The following FGF20 variants were observed in gnomAD, a reference collection of about 807,000 sequenced individuals.
FGF20 encodes the protein fibroblast growth factor 20.
In FGF20, 8 loss-of-function variants were observed where a neutral mutation model predicts 16.7. The observed-to-expected ratio is 0.48, with a 90% CI of 0.28 to 0.87. The LOEUF is 0.87. FGF20 is among the 40% of genes least tolerant of loss of function. The probability of loss-of-function intolerance (pLI) is 0.10; values close to 1 mark genes in which losing one functional copy is unlikely to be tolerated. For synonymous variants in FGF20, 161 were observed against 118.6 expected (o/e 1.36, Z -2.32); for missense variants, 397 against 281.4 (o/e 1.41, Z -2.94).
chr8:16,994,462 A>C (rs1483182037), intron 2 of FGF20, among the ~76,000 whole-genome samples: 2 of 86,324 alleles, frequency 2.3e-5, no homozygotes, highest in Non-Finnish European at 4.8e-5. Context: ...ATACACATGA[A>C]GATTGTGTGC....
intron 2 of FGF20, among the ~76,000 whole-genome samples, chr8:16,995,419 A>C (rs1180944539): frequency 6.6e-6 from 1 of 152,216 alleles, no homozygotes; most frequent in Non-Finnish European, 1.5e-5. Context: ...ACTCAAGGTA[A>C]TGTATAGGAA....
At chr8:16,999,864 C>T (rs565596188) in intron 1 of FGF20, among the ~76,000 whole-genome samples, 4 of 151,912 alleles carry the variant, frequency 2.6e-5, no homozygotes, top group African/African-American at 9.6e-5. Flanking sequence ...GTAGAATTTC[C>T]AAGGCTACAC....
chr8:17,002,127 C>T lies in FGF20; in HGVS notation c.-95G>A, dbSNP rs1408089333. Reference sequence around the variant, plus strand: ...TAGAGAAAAATTATAGCAAAACGAGCGCAAAAAGTTAAGGCCCGGTTACTC... The same window carrying T: ...TAGAGAAAAATTATAGCAAAACGAGTGCAAAAAGTTAAGGCCCGGTTACTC... On this transcript the variant is annotated 5_prime_UTR_variant, in exon 1 of 3. Transcript: ENST00000180166. 1.6e-5 allele frequency: 22 copies of T among 1,342,124 alleles called. No individual in the cohort carries two copies. The highest frequency in any genetic ancestry group is 1.9e-5 in the Non-Finnish European group (20 of 1,029,744). The allele number at this position is 1,342,124 out of a possible 1,614,324, so 83.1% of individuals were successfully genotyped here.
intron 2 of FGF20, among the ~76,000 whole-genome samples, 191 bp downstream of exon 2, chr8:16,995,464 T>A (rs993841716): frequency 6.6e-6 from 1 of 151,910 alleles, no homozygotes; most frequent in African/African-American, 2.4e-5. Flanking sequence ...TGGTTGGGGG[T>A]TTTAAAAATA....
Position 16,992,661 on chromosome 8 carries a change from GA to G in FGF20, c.*410del, listed in dbSNP as rs1176168884. ...ACCTGTGAATTCTACAAGGTCCTCA[GA>G]ATTTATGTAGCAATGCTCTTGGCTA... is the stretch of plus-strand genomic sequence containing the variant. On this transcript the variant is annotated 3_prime_UTR_variant, in exon 3 of 3. Coordinates refer to ENST00000180166, the MANE Select transcript of FGF20 (RefSeq NM_019851.3). The G allele has an allele frequency of 4.5e-5, 7 of 154,300 alleles. No homozygotes were observed. The highest frequency in any genetic ancestry group is 1.7e-4 in the African/African-American group (7 of 41,296). The allele number at this position is 154,300 out of a possible 1,614,324, so 9.6% of individuals were successfully genotyped here. A position where few individuals can be genotyped will look rare whatever the true frequency, so the allele number is the denominator to read the frequency against.
intron 1 of FGF20, among the ~76,000 whole-genome samples, chr8:16,999,024 G>C (rs955841857): frequency 1.9e-4 from 29 of 152,174 alleles, no homozygotes; most frequent in African/African-American, 6.7e-4. Flanking sequence ...AGCAAAAGAA[G>C]CCAAACATAC....
chr8:16,999,505 A>G lies in FGF20; in HGVS notation c.286+2242T>C, dbSNP rs1349130705. Among the ~76,000 whole-genome samples the G allele has an allele frequency of 4.1e-5, 6 of 147,238 alleles. No individual in the cohort carries two copies. The Admixed American group carries it at 4.2e-4, about 10-fold the overall frequency. On this transcript the variant is annotated intron_variant, in intron 1 of 2. Coordinates refer to ENST00000180166, the MANE Select transcript of FGF20 (RefSeq NM_019851.3). ...TCTGTCACTGGAGAGATTACAGTTT[A>G]ATTACAAGTTTCCTTTTTTTTTTTT...
At chr8:16,998,113 T>C (rs1810098746) in intron 1 of FGF20, among the ~76,000 whole-genome samples, 1 of 152,192 alleles carries the variant, frequency 6.6e-6, no homozygotes, top group Non-Finnish European at 1.5e-5. Flanking sequence ...CATAAAGTGT[T>C]TATTTTTCTT....
At chr8:16,993,531 C>G (rs1289515154) in intron 2 of FGF20, among the ~76,000 whole-genome samples, 1 of 148,760 alleles carries the variant, frequency 6.7e-6, no homozygotes, top group African/African-American at 2.5e-5. Context: ...GCAGTCCCCA[C>G]CTCTTTGGCA....
rs542236215 is a variant in FGF20 at position 17,001,359 on chromosome 8, A to AT, written c.286+387dup. On this transcript the variant is annotated intron_variant, in intron 1 of 2. Coordinates refer to ENST00000180166, the MANE Select transcript of FGF20 (RefSeq NM_019851.3). ...GGAAATCGGAGAGAAACATACAGGG[A>AT]TTTTTTTTAAAACTGACTGCGAGGT... 3.2e-3 allele frequency among the ~76,000 whole-genome samples: 489 copies of AT among 151,914 alleles called. 3 individuals are homozygous for AT. The highest frequency in any genetic ancestry group is 0.014 in the South Asian group (68 of 4,804).
chr8:17,000,530 G>T (rs1810158259), intron 1 of FGF20, among the ~76,000 whole-genome samples: 1 of 152,170 alleles, frequency 6.6e-6, no homozygotes, highest in South Asian at 2.1e-4. Context: ...GCTACGGATT[G>T]TGGGTGACAA....
intron 1 of FGF20, among the ~76,000 whole-genome samples, chr8:16,997,769 T>A (rs1810089299): frequency 6.6e-6 from 1 of 151,976 alleles, no homozygotes; most frequent in Non-Finnish European, 1.5e-5. Context: ...AAAATCAAAC[T>A]CACTGCCAAG....
At position 16,995,570 on chromosome 8, in the gene FGF20, A is replaced by T. The variant is rs982037413; in HGVS notation, c.390+85T>A. The T allele has an allele frequency of 1.2e-5, 7 of 563,258 alleles. No individual in the cohort carries two copies. The African/African-American group carries it at 1.3e-4, about 11-fold the overall frequency. 34.9% of individuals were successfully genotyped at this position (563,258 alleles called of 1,614,324 possible). ...TATGTTTTATATACTTCTACCAGAC[A>T]TTCTTGGTAGACATTTTAATTACAT... is the stretch of plus-strand genomic sequence containing the variant. On this transcript the variant is annotated intron_variant, in intron 2 of 2. Coordinates refer to ENST00000180166, the MANE Select transcript of FGF20 (RefSeq NM_019851.3).
In FGF20 at chr8:16,992,886, T is replaced by C. The variant is rs769148271; in HGVS notation, c.*186A>G. On this transcript the variant is annotated 3_prime_UTR_variant, in exon 3 of 3. Coordinates refer to ENST00000180166, the MANE Select transcript of FGF20 (RefSeq NM_019851.3). ...AACTTAATCCACATATAAAGAGTGATCATGATCTATTTCTAGTCAAAATTT... is the reference window on the plus strand; with the variant it reads ...AACTTAATCCACATATAAAGAGTGACCATGATCTATTTCTAGTCAAAATTT... 3.1e-6 allele frequency: 2 copies of C among 654,390 alleles called. No homozygotes were observed. The highest frequency in any genetic ancestry group is 1.8e-5 in the African/African-American group (1 of 54,666). 40.5% of individuals were successfully genotyped at this position (654,390 alleles called of 1,614,324 possible).
Position 17,002,176 on chromosome 8 carries a change from TTTGCACTGAAA to T in FGF20, c.-155_-145del, listed in dbSNP as rs1810205576. On this transcript the variant is annotated 5_prime_UTR_variant, in exon 1 of 3. Transcript: ENST00000180166. The stretch of plus-strand genomic sequence containing the variant: ...TCCTCTGAGGTCGCTCCGGAGGGAC[TTTGCACTGAAA>T]TGGCAGGGAAGCTCTCACTGTCTTG... 1.3e-6 allele frequency: 1 copy of T among 771,426 alleles called. No individual in the cohort carries two copies. Among genetic ancestry groups the T allele is most frequent in the African/African-American group, 1.8e-5 (1 of 54,150 alleles). 47.8% of individuals were successfully genotyped at this position (771,426 alleles called of 1,614,324 possible). A position where few individuals can be genotyped will look rare whatever the true frequency, so the allele number is the denominator to read the frequency against.
At chr8:16,999,518 CTTTTT>C (rs370808443) in intron 1 of FGF20, among the ~76,000 whole-genome samples, 1 of 85,836 alleles carries the variant, frequency 1.2e-5, no homozygotes, top group Admixed American at 1.8e-4. Context: ...TACAAGTTTC[CTTTTT>C]TTTTTTTTTT....
At position 17,002,202 on chromosome 8, in the gene FGF20, T is replaced by C; in HGVS notation, c.-170A>G. 1.6e-6 allele frequency: 1 copy of C among 617,314 alleles called. No homozygotes were observed. The highest frequency in any genetic ancestry group is 2.5e-6 in the Non-Finnish European group (1 of 397,142). 38.2% of individuals were successfully genotyped at this position (617,314 alleles called of 1,614,324 possible). ...TTGCACTGAAATGGCAGGGAAGCTCTCACTGTCTTGGAGCGATCTTCTCTC... is the reference window on the plus strand; with the variant it reads ...TTGCACTGAAATGGCAGGGAAGCTCCCACTGTCTTGGAGCGATCTTCTCTC... On this transcript the variant is annotated 5_prime_UTR_variant, in exon 1 of 3. Coordinates refer to ENST00000180166, the MANE Select transcript of FGF20 (RefSeq NM_019851.3).
At chr8:16,993,356 ACCTTTGAG>A in intron 2 of FGF20, 39 bp from the exon 3 acceptor site, 1 of 1,535,548 alleles carries the variant, frequency 6.5e-7, no homozygotes, top group Non-Finnish European at 8.8e-7. Flanking sequence ...TTAAAAAAAT[ACCTTTGAG>A]ATAATTTCCT....
chr8:16,993,144 T>A lies in FGF20; in HGVS notation c.564A>T (p.Thr188=). Residue 188 remains threonine (T), a synonymous_variant, in exon 3 of 3, where the codon ACA becomes ACT. Transcript: ENST00000180166. ...GATCCACTGGTCTAGGTAAGAAATG[T>A]GTAAATTTCTGATGCCTCTTGGACC... is the stretch of plus-strand genomic sequence containing the variant. The part of the protein sequence containing the change: ...GARSKRHQKF[T]HFLPRPVDPE... The A allele has an allele frequency of 6.2e-7, 1 of 1,614,110 alleles. No individual in the cohort carries two copies. Among genetic ancestry groups the A allele is most frequent in the Non-Finnish European group, 8.5e-7 (1 of 1,180,002 alleles).
Sources: gnomAD v4.1 joint callset for allele counts (sites outside exome capture counted in the v4.1 genomes callset) on GRCh38, gnomAD v4.1.1 for gene constraint, MANE v1.5 for transcripts, NCBI Gene and HGNC (gene_info 2026-07-23, HGNC 2026-07-21) for gene names.